Variants in FHL2 observed in about 807,000 individuals in gnomAD.
The protein encoded by FHL2 is four and a half LIM domains 2, also known as four and a half LIM domains protein 2.
In FHL2, 20 loss-of-function variants were observed where a neutral mutation model predicts 32.7. That is an observed-to-expected ratio of 0.61 (90% confidence interval 0.43 to 0.89). The LOEUF (loss-of-function observed/expected upper bound fraction) is 0.89, where lower values mean the gene tolerates loss of function less well. Among genes scored for constraint, FHL2 ranks in the 40% least tolerant of loss-of-function variants. FHL2 has a pLI of 0.00. For synonymous variants in FHL2, 123 were observed against 128.1 expected (o/e 0.96, Z 0.27); for missense variants, 311 against 358.6 (o/e 0.87, Z 1.07).
At chr2:105,399,609 C>CGG, upstream of FHL2, 1 of 1,528,730 alleles carries the variant, frequency 6.5e-7, no homozygotes, top group East Asian at 2.4e-5. Flanking sequence ...CTCTCCCTCT[C>CGG]GGGGCCAGAA....
At chr2:105,422,816 G>T (rs1002335601) in intron 1 of FHL2, among the ~76,000 whole-genome samples, 1 of 152,008 alleles carries the variant, frequency 6.6e-6, no homozygotes, top group Non-Finnish European at 1.5e-5. Context: ...TATACTACAG[G>T]TTGCATTGTA....
At chr2:105,394,135 A>G (rs942450589) in intron 2 of FHL2, among the ~76,000 whole-genome samples, 13 of 151,622 alleles carry the variant, frequency 8.6e-5, no homozygotes, top group East Asian at 7.8e-4. Flanking sequence ...TTATTTTCCT[A>G]CGGATGGGAG....
upstream of FHL2, among the ~76,000 whole-genome samples, chr2:105,402,001 G>A (rs886517808): frequency 8.7e-5 from 13 of 148,620 alleles, no homozygotes; most frequent in African/African-American, 3.0e-4. Flanking sequence ...ATATATACAC[G>A]AATATATACA....
At chr2:105,414,583 C>T (rs1167839755) in intron 1 of FHL2, among the ~76,000 whole-genome samples, 1 of 152,138 alleles carries the variant, frequency 6.6e-6, no homozygotes, top group African/African-American at 2.4e-5. Context: ...GACAGAGTCT[C>T]GCTCTGTCGC....
intron 2 of FHL2, among the ~76,000 whole-genome samples, chr2:105,396,248 G>C (rs1301174807): frequency 2.6e-5 from 4 of 152,170 alleles, no homozygotes; most frequent in African/African-American, 9.7e-5. Context: ...TGGAGACCCA[G>C]GAGAGCCGAT....
chr2:105,432,089 C>G (rs539746678), intron 1 of FHL2, among the ~76,000 whole-genome samples: 3 of 152,314 alleles, frequency 2.0e-5, no homozygotes, highest in Non-Finnish European at 4.4e-5. Flanking sequence ...ATTAGAAGGT[C>G]CTCATCCCAC....
chr2:105,389,650 T>C (rs1682571903), intron 2 of FHL2, among the ~76,000 whole-genome samples: 1 of 152,094 alleles, frequency 6.6e-6, no homozygotes, highest in Non-Finnish European at 1.5e-5. Flanking sequence ...AAAAAGAGGG[T>C]CCACTGAGCT....
chr2:105,436,942 C>T (rs1043045612), intron 1 of FHL2, among the ~76,000 whole-genome samples: 24 of 152,140 alleles, frequency 1.6e-4, no homozygotes, highest in African/African-American at 5.1e-4. Flanking sequence ...AAATATGAAA[C>T]ATTTCAGAGA....
chr2:105,402,318 C>G (rs1453443695), upstream of FHL2, among the ~76,000 whole-genome samples: 1 of 151,856 alleles, frequency 6.6e-6, no homozygotes, highest in Non-Finnish European at 1.5e-5. Flanking sequence ...ACTGTCTTGG[C>G]TCACTGAAAC....
rs141897049 is a variant in FHL2, at chr2:105,373,050, G to A, written c.331+509C>T. 7.4e-3 allele frequency among the ~76,000 whole-genome samples: 1,131 copies of A among 152,268 alleles called. 9 individuals carry two copies. The highest frequency in any genetic ancestry group is 0.013 in the Non-Finnish European group (893 of 68,026). On this transcript the variant is annotated intron_variant, in intron 4 of 6. Coordinates refer to ENST00000530340, the MANE Select transcript of FHL2 (RefSeq NM_001318895.3). ...GCCATCCTCGGCACCTGGCCCAGTT[G>A]CGGCTGTGCCCTTTTTGACTGTCCG...
chr2:105,363,534 C>T (rs1386223423), intron 5 of FHL2, 63 bp from the exon 6 acceptor site: 28 of 1,429,310 alleles, frequency 2.0e-5, no homozygotes, highest in Non-Finnish European at 2.5e-5. Flanking sequence ...TCAGTCTCAG[C>T]TACTGCCACT....
chr2:105,395,785 C>T (rs1192519400), intron 2 of FHL2, among the ~76,000 whole-genome samples: 1 of 152,242 alleles, frequency 6.6e-6, no homozygotes, highest in East Asian at 1.9e-4. Flanking sequence ...GCTTCTGCCA[C>T]AGACATCCCA....
At chr2:105,390,839 C>T (rs1479965488) in intron 2 of FHL2, among the ~76,000 whole-genome samples, 2 of 151,170 alleles carry the variant, frequency 1.3e-5, no homozygotes, top group African/African-American at 4.9e-5. Flanking sequence ...CTGTGTCACC[C>T]AGGCTGGAGT....
chr2:105,372,061 G>C (rs572263546), intron 4 of FHL2, among the ~76,000 whole-genome samples: 13 of 152,274 alleles, frequency 8.5e-5, no homozygotes, highest in African/African-American at 3.1e-4. Context: ...CTGCCAACAG[G>C]GCTGGGACTG....
chr2:105,377,952 G>C, intron 3 of FHL2: 1 of 431,572 alleles, frequency 2.3e-6, no homozygotes, highest in Admixed American at 2.7e-5. Context: ...ACAAGAGAGG[G>C]AAGAGAAATA....
intron 1 of FHL2, among the ~76,000 whole-genome samples, chr2:105,414,526 A>G (rs923752356): frequency 2.0e-5 from 3 of 151,818 alleles, no homozygotes; most frequent in Non-Finnish European, 4.4e-5. Flanking sequence ...CTTGTCACTC[A>G]AGAGATTTAA....
In FHL2 at chr2:105,407,578, G is replaced by C. The variant is rs139895352; in HGVS notation, c.-24-21038C>G. ...ATAACTTGAATTAAAGCAAAGCCAA[G>C]AGCTTGGCCTTCCAGATATCAGCAG... On this transcript the variant is annotated intron_variant, in intron 1 of 5. Transcript: ENST00000393352. 3.3e-5 allele frequency among the ~76,000 whole-genome samples: 5 copies of C among 152,016 alleles called. No individual in the cohort carries two copies. The East Asian group carries it at 7.8e-4, about 24-fold the overall frequency.
intron 1 of FHL2, among the ~76,000 whole-genome samples, chr2:105,405,962 A>G (rs1032347040): frequency 3.9e-5 from 6 of 152,270 alleles, no homozygotes; most frequent in African/African-American, 1.4e-4. Context: ...TTTATGGCTA[A>G]TTGACAATTG....
intron 1 of FHL2, among the ~76,000 whole-genome samples, chr2:105,419,380 C>A (rs1466361037): frequency 6.6e-6 from 1 of 152,164 alleles, no homozygotes; most frequent in Non-Finnish European, 1.5e-5. Flanking sequence ...CTCCAAGAGT[C>A]CCCAAAGTCT....
Sources: gnomAD v4.1 joint callset for allele counts (sites outside exome capture counted in the v4.1 genomes callset) on GRCh38, gnomAD v4.1.1 for gene constraint, MANE v1.5 for transcripts, NCBI Gene and HGNC (gene_info 2026-07-23, HGNC 2026-07-21) for gene names.